Variants in PLCE1 observed in about 807,000 individuals in gnomAD.
PLCE1 encodes phospholipase C epsilon 1.
A neutral mutation model predicts 242.8 loss-of-function variants in PLCE1; 119 were observed. The ratio of observed to expected loss-of-function variants is 0.49; its 90% CI spans 0.42 to 0.57. The LOEUF is 0.57. Among genes scored for constraint, PLCE1 ranks in the 20% least tolerant of loss-of-function variants. The pLI is 0.00. For missense variants in PLCE1, 2,441 were observed against 2,788.8 expected (o/e 0.88, Z 2.81); for synonymous variants, 945 against 1,017.4 (o/e 0.93, Z 1.35).
chr10:94,322,096 T>A (rs756860415), intron 30 of PLCE1, 37 bp downstream of exon 30: 1 of 1,593,404 alleles, frequency 6.3e-7, no homozygotes, highest in Non-Finnish European at 8.6e-7. Context: ...AGTCCTTTCC[T>A]CAGCATAAAT....
At chr10:94,162,472 A>G (rs1358005782) in intron 3 of PLCE1, among the ~76,000 whole-genome samples, 1 of 152,152 alleles carries the variant, frequency 6.6e-6, no homozygotes, top group Non-Finnish European at 1.5e-5. Context: ...CTCTGATGGT[A>G]GTTTGTATTT....
rs553930589 is a variant in PLCE1 at position 94,036,969 on chromosome 10, A to C, written c.1206+4717A>C. ...ATATGTATGACAAAATAGAAAAAAAACTCAGATACACTAAAGAGTAAAAAA... is the reference window on the plus strand; with the variant it reads ...ATATGTATGACAAAATAGAAAAAAACCTCAGATACACTAAAGAGTAAAAAA... On this transcript the variant is annotated intron_variant, in intron 2 of 32. Coordinates refer to ENST00000371380, the MANE Select transcript of PLCE1 (RefSeq NM_016341.4). Among the ~76,000 whole-genome samples the C allele has an allele frequency of 9.2e-5, 14 of 152,292 alleles. 1 individual carries two copies. The East Asian group carries it at 2.1e-3, about 23-fold the overall frequency.
chr10:94,077,053 A>C (rs753229021), intron 2 of PLCE1, among the ~76,000 whole-genome samples: 8 of 152,258 alleles, frequency 5.3e-5, no homozygotes, highest in Non-Finnish European at 1.2e-4. Context: ...GACTTTTTCT[A>C]TAACATAAAC....
chr10:94,126,029 T>G (rs1277794730), intron 2 of PLCE1, among the ~76,000 whole-genome samples: 1 of 152,210 alleles, frequency 6.6e-6, no homozygotes, highest in Non-Finnish European at 1.5e-5. Context: ...TTCTTTTGTT[T>G]TGGGCCTAAA....
chr10:94,291,757 G>C (rs1429891402), intron 22 of PLCE1, among the ~76,000 whole-genome samples: 1 of 152,134 alleles, frequency 6.6e-6, no homozygotes, highest in Non-Finnish European at 1.5e-5. Flanking sequence ...ACAAAAATTA[G>C]TGGTGCACAC....
At chr10:94,183,058 T>G (rs539929633) in intron 4 of PLCE1, among the ~76,000 whole-genome samples, 1 of 152,346 alleles carries the variant, frequency 6.6e-6, no homozygotes, top group South Asian at 2.1e-4. Flanking sequence ...GTGGGAAAGA[T>G]CAGGTCAGCT....
At chr10:94,317,748 G>GA (rs2053627037) in intron 29 of PLCE1, among the ~76,000 whole-genome samples, 2 of 151,722 alleles carry the variant, frequency 1.3e-5, no homozygotes. Context: ...TTTTTTCCCT[G>GA]AATTAACTGA....
At chr10:94,124,365 G>T (rs2046380526) in intron 2 of PLCE1, among the ~76,000 whole-genome samples, 1 of 143,390 alleles carries the variant, frequency 7.0e-6, no homozygotes, top group African/African-American at 2.6e-5. Flanking sequence ...GCAACAGAGT[G>T]AGACCTTGTC....
At chr10:94,100,636 G>A (rs1193370813) in intron 2 of PLCE1, 2 of 152,216 alleles carry the variant, frequency 1.3e-5, no homozygotes, top group African/African-American at 4.8e-5. Flanking sequence ...AGGTGATGCA[G>A]AGGTGGGAAT....
rs752465893 is a variant in PLCE1, at chr10:94,270,502, T to C, written c.4406T>C (p.Ile1469Thr). The C allele has an allele frequency of 1.9e-6, 3 of 1,612,166 alleles. No individual in the cohort carries two copies. The highest frequency in any genetic ancestry group is 2.5e-6 in the Non-Finnish European group (3 of 1,178,252). The part of the protein sequence containing the change: ...KIPFKEVVEA[I>T]DRSAFINSDL... ...CTCTCATAGGAAGTGGTTGAAGCCA[T>C]TGATCGCAGTGCCTTCATCAACTCT... Residue 1469 changes from isoleucine to threonine, a missense_variant, in exon 18 of 33, where the codon ATT (isoleucine) becomes ACT (threonine). This residue lies in a region of PLCE1 where 1,004 missense variants were observed against 1,322.7 expected (regional missense o/e 0.76). Coordinates refer to ENST00000371380, the MANE Select transcript of PLCE1 (RefSeq NM_016341.4).
At chr10:94,081,727 C>T (rs1267635042) in intron 2 of PLCE1, among the ~76,000 whole-genome samples, 1 of 152,194 alleles carries the variant, frequency 6.6e-6, no homozygotes, top group Non-Finnish European at 1.5e-5. Flanking sequence ...GATGAAGTGA[C>T]TGAAGCTTAG....
At chr10:94,074,399 C>G (rs1038972596) in intron 2 of PLCE1, among the ~76,000 whole-genome samples, 3 of 151,856 alleles carry the variant, frequency 2.0e-5, no homozygotes, top group African/African-American at 7.3e-5. Context: ...GAGACAGGGT[C>G]TCCCTATGTT....
At chr10:93,999,851 G>C (rs575385935) in intron 1 of PLCE1, among the ~76,000 whole-genome samples, 108 of 152,334 alleles carry the variant, frequency 7.1e-4, no homozygotes, top group Admixed American at 1.1e-3. Flanking sequence ...AACTTGAGCT[G>C]GTTAGTGTCA....
Position 94,246,083 on chromosome 10 carries a change from T to A in PLCE1, c.2558T>A (p.Ile853Asn). ...TELIPWYVLSIQADVHQFLLQ... is the reference protein window; with the variant it reads ...TELIPWYVLSNQADVHQFLLQ... ...CTCATCCCTTGGTACGTGCTGTCCA[T>A]CCAAGCCGATGTGCACCAGTTCCTG... The change falls in exon 8 of 33, where the codon ATC becomes AAC. Residue 853 changes from isoleucine to asparagine, a missense_variant. Ile to Asn is a moderately radical substitution (Grantham distance 149). Coordinates refer to ENST00000371380, the MANE Select transcript of PLCE1 (RefSeq NM_016341.4). 1 of 1,614,100 alleles carries A rather than the reference T, an allele frequency of 6.2e-7. No homozygotes were observed. The highest frequency in any genetic ancestry group is 1.1e-5 in the South Asian group (1 of 91,078).
chr10:94,227,349 T>C lies in PLCE1; in HGVS notation c.1853T>C (p.Met618Thr), dbSNP rs746126689. 1.9e-6 allele frequency: 3 copies of C among 1,613,968 alleles called. No homozygotes were observed. The highest frequency in any genetic ancestry group is 2.2e-5 in the East Asian group (1 of 44,882). ...VTWLILTAGS[M>T]EEKREVFSYL... Reference sequence around the variant, plus strand: ...TGGCTGATCCTCACGGCAGGCTCCATGGAGGAGAAGCGAGAAGTCTTTTCA... The same window carrying C: ...TGGCTGATCCTCACGGCAGGCTCCACGGAGGAGAAGCGAGAAGTCTTTTCA... Residue 618 changes from methionine (M) to threonine (T), a missense_variant, in exon 5 of 33, where the codon ATG becomes ACG. Physicochemically the swap from Met to Thr is moderately conservative, Grantham distance 81 (BLOSUM62 -1). Coordinates refer to ENST00000371380, the MANE Select transcript of PLCE1 (RefSeq NM_016341.4).
At chr10:94,046,469 A>T (rs1444853412) in intron 2 of PLCE1, among the ~76,000 whole-genome samples, 1 of 152,206 alleles carries the variant, frequency 6.6e-6, no homozygotes, top group East Asian at 1.9e-4. Flanking sequence ...GGCCTTAGAG[A>T]CCATCAGGTC....
intron 1 of PLCE1, among the ~76,000 whole-genome samples, chr10:93,995,647 T>C (rs1372313205): frequency 6.6e-6 from 1 of 152,238 alleles, no homozygotes; most frequent in Non-Finnish European, 1.5e-5. Context: ...TGAAAGGAGC[T>C]AGAGGAATGT....
chr10:94,229,227 T>C (rs10882410), intron 5 of PLCE1, among the ~76,000 whole-genome samples: 55,987 of 151,008 alleles, frequency 0.37, 10,715 homozygotes, highest in East Asian at 0.59. Flanking sequence ...AAAGAAAATA[T>C]GTATTACATT....
chr10:94,138,414 G>A, intron 3 of PLCE1: 1 of 403,836 alleles, frequency 2.5e-6, no homozygotes, highest in Non-Finnish European at 4.9e-6. Flanking sequence ...GCTGGAAAAG[G>A]CAAGTATTAT....
Sources: allele counts gnomAD v4.1 joint callset (sites outside exome capture counted in the v4.1 genomes callset), GRCh38; gene constraint gnomAD v4.1.1; regional missense constraint gnomAD v4.1.1; transcripts MANE v1.5; gene names NCBI Gene and HGNC (gene_info 2026-07-23, HGNC 2026-07-21).